Variants in RNF213 observed in about 807,000 individuals in gnomAD.
RNF213 encodes ring finger protein 213.
In RNF213, 341 loss-of-function variants were observed where a neutral mutation model predicts 514.4. The ratio of observed to expected loss-of-function variants is 0.66; its 90% CI spans 0.61 to 0.73. RNF213 has a LOEUF of 0.73. Among genes scored for constraint, RNF213 ranks in the 30% least tolerant of loss-of-function variants. RNF213 has a pLI of 0.00. For synonymous variants in RNF213, 2,655 were observed against 2,658.2 expected (o/e 1.00, Z 0.04); for missense variants, 5,767 against 6,615.6 (o/e 0.87, Z 4.45).
chr17:80,264,303 T>G lies in RNF213; in HGVS notation c.97+525T>G, dbSNP rs766226114. ...CAGGGGTTGAGAGCTCTGCCTGGGT[T>G]AGTTTTTGAGGGGCCGTGAGGGGGC... On this transcript the variant is annotated intron_variant, in intron 2 of 67. Transcript: ENST00000582970. This position sits in a 1 kb window ranked among gnomAD's most constrained non-coding sequence, Gnocchi z 5.0. Among the ~76,000 whole-genome samples the G allele has an allele frequency of 2.0e-5, 3 of 152,040 alleles. No individual in the cohort carries two copies. Among genetic ancestry groups the G allele is most frequent in the Non-Finnish European group, 4.4e-5 (3 of 67,998 alleles).
chr17:80,272,800 A>C (rs1013020483), intron 2 of RNF213, among the ~76,000 whole-genome samples: 3 of 152,200 alleles, frequency 2.0e-5, no homozygotes, highest in Non-Finnish European at 2.9e-5. Flanking sequence ...CAGATGCCTT[A>C]GTGCCAGGAC....
At chr17:80,367,672 T>C in intron 42 of RNF213, 76 bp from the exon 43 acceptor site, 1 of 1,121,914 alleles carries the variant, frequency 8.9e-7, no homozygotes. Context: ...CTGAATGTGG[T>C]GCTCCCTCTG....
Position 80,376,292 on chromosome 17 carries a change from TC to T in RNF213, c.13186-7del. On this transcript the variant is annotated splice_region_variant and splice_polypyrimidine_tract_variant and intron_variant, in intron 51 of 67. Transcript: ENST00000582970. ...GATACATCTTAATGTTAAGTTTTTT[TC>T]CTGTCAGCAATGTGAAGCTGTGAGC... is the stretch of plus-strand genomic sequence containing the variant. The T allele has an allele frequency of 6.2e-7, 1 of 1,614,198 alleles. No homozygotes were observed. Among genetic ancestry groups the T allele is most frequent in the Middle Eastern group, 1.6e-4 (1 of 6,062 alleles).
intron 2 of RNF213, among the ~76,000 whole-genome samples, chr17:80,267,452 A>G (rs1403142823): frequency 2.6e-5 from 4 of 152,114 alleles, no homozygotes; most frequent in African/African-American, 9.7e-5. Flanking sequence ...AAAAAAGAAA[A>G]AAAGTGCTAC....
rs865960272 is a variant in RNF213, at chr17:80,394,768, T to C, written c.*1270T>C. On this transcript the variant is annotated 3_prime_UTR_variant, in exon 68 of 68. Coordinates refer to ENST00000582970, the MANE Select transcript of RNF213 (RefSeq NM_001256071.3). ...CGGAAGGAACTGTGCTCCGTTCTCC[T>C]CACTGTCATGGTGCCACCAGTGTCT... The C allele has an allele frequency of 1.3e-5, 2 of 152,188 alleles. No individual in the cohort carries two copies. Among genetic ancestry groups the C allele is most frequent in the African/African-American group, 4.8e-5 (2 of 41,410 alleles). The allele number at this position is 152,188 out of a possible 1,614,324, so 9.4% of individuals were successfully genotyped here.
chr17:80,393,918 C>T lies in RNF213; in HGVS notation c.*420C>T. On this transcript the variant is annotated 3_prime_UTR_variant, in exon 68 of 68. Transcript: ENST00000582970. ...TACTCACAAAAGAGAATCTCATTTT[C>T]TTCTTTCTTCCATTCCCTTAAATTC... 4.9e-6 allele frequency: 1 copy of T among 203,788 alleles called. No homozygotes were observed. The highest frequency in any genetic ancestry group is 8.0e-5 in the South Asian group (1 of 12,498). The allele number at this position is 203,788 out of a possible 1,614,324, so 12.6% of individuals were successfully genotyped here.
chr17:80,351,205 G>A (rs1374431087), intron 31 of RNF213, among the ~76,000 whole-genome samples: 1 of 152,228 alleles, frequency 6.6e-6, no homozygotes, highest in Non-Finnish European at 1.5e-5. Context: ...AAGGTCCACT[G>A]GGTACAGGGG....
intron 14 of RNF213, among the ~76,000 whole-genome samples, chr17:80,311,694 C>T (rs764535738): frequency 1.1e-4 from 16 of 152,354 alleles, no homozygotes; most frequent in East Asian, 1.9e-4. Context: ...CGGGCAGCCC[C>T]GCCCAGCAGC....
chr17:80,358,907 C>CA (rs1167980420), intron 37 of RNF213, among the ~76,000 whole-genome samples: 159 of 151,032 alleles, frequency 1.1e-3, no homozygotes, highest in Middle Eastern at 3.4e-3. Flanking sequence ...GACTCTGTCT[C>CA]AAAAAAAAAG....
chr17:80,380,945 C>T lies in RNF213; in HGVS notation c.13755C>T (p.Leu4585=). 1.2e-6 allele frequency: 2 copies of T among 1,614,210 alleles called. No homozygotes were observed. Among genetic ancestry groups the T allele is most frequent in the Non-Finnish European group, 1.7e-6 (2 of 1,180,040 alleles). ...TGGTCTTCCTCCTTATCCGGCTACT[C>T]ACTCACTTGGCTCTGCTTCTGGGAG... The part of the protein sequence containing the change: ...PPVVFLLIRL[L]THLALLLGAS... Residue 4585 remains leucine, a synonymous_variant, in exon 56 of 68, where the codon CTC becomes CTT. Coordinates refer to ENST00000582970, the MANE Select transcript of RNF213 (RefSeq NM_001256071.3).
chr17:80,310,995 A>G (rs2045552156), intron 14 of RNF213, among the ~76,000 whole-genome samples: 1 of 152,220 alleles, frequency 6.6e-6, no homozygotes, highest in Non-Finnish European at 1.5e-5. Context: ...GTCATTGGTG[A>G]GATGATCACG....
intron 36 of RNF213, among the ~76,000 whole-genome samples, chr17:80,355,930 C>T (rs2078797724): frequency 6.6e-6 from 1 of 152,096 alleles, no homozygotes; most frequent in Non-Finnish European, 1.5e-5. Context: ...CTCTCCTTGT[C>T]ACGCCTTCTG....
At position 80,306,241 on chromosome 17, in the gene RNF213, C is replaced by T. The variant is rs748081556; in HGVS notation, c.2211-11C>T. The stretch of plus-strand genomic sequence containing the variant: ...GCGTCTCTTTTCTCCGTCCCTATTT[C>T]TCTTATGCAGGAGTTCCCTACTTCA... On this transcript the variant is annotated splice_polypyrimidine_tract_variant and intron_variant, in intron 11 of 67. Transcript: ENST00000582970. 4.2e-5 allele frequency: 67 copies of T among 1,613,268 alleles called. No homozygotes were observed. The Middle Eastern group carries it at 4.9e-4, about 12-fold the overall frequency.
intron 21 of RNF213, among the ~76,000 whole-genome samples, chr17:80,333,369 GCTT>G (rs1347412224): frequency 1.3e-5 from 2 of 150,386 alleles, no homozygotes; most frequent in Admixed American, 6.6e-5. Flanking sequence ...TGAGTCTTCT[GCTT>G]CTTATGTTTT....
intron 36 of RNF213, among the ~76,000 whole-genome samples, chr17:80,356,923 G>GGT (rs1555671719): frequency 1.4e-5 from 2 of 145,768 alleles, no homozygotes; most frequent in Non-Finnish European, 3.0e-5. Context: ...ACCTTGTGGG[G>GGT]TTTTTTTTTT....
In RNF213 at chr17:80,290,403, TTGTGTGTGTGCG is replaced by T. The variant is rs1035326035; in HGVS notation, c.1113-160_1113-149del. Among the ~76,000 whole-genome samples, 127 of 137,314 alleles carry T rather than the reference TTGTGTGTGTGCG, an allele frequency of 9.2e-4. No homozygotes were observed. In the Middle Eastern group the frequency reaches 0.011, roughly 12 times the overall value. 90.1% of individuals were successfully genotyped at this position (137,314 alleles called of 152,430 possible). A position where few individuals can be genotyped will look rare whatever the true frequency, so the allele number is the denominator to read the frequency against. On this transcript the variant is annotated intron_variant, in intron 6 of 67. Coordinates refer to ENST00000582970, the MANE Select transcript of RNF213 (RefSeq NM_001256071.3). ...TGCACGTGTGTGCGTGTACGTGTGC[TTGTGTGTGTGCG>T]TGTGTGCGAGTGTGCGCGTGTGTGC...
chr17:80,335,239 G>A (rs1191315781), intron 22 of RNF213, among the ~76,000 whole-genome samples: 3 of 152,138 alleles, frequency 2.0e-5, no homozygotes, highest in Non-Finnish European at 4.4e-5. Context: ...CCCACAGAGA[G>A]ATTTTTCTCA....
Position 80,319,314 on chromosome 17 carries a change from T to A in RNF213, c.3024+2T>A. Reference sequence around the variant, plus strand: ...GAAGCCGTGAGCTCAGCCTGCCAGGTGAACAATCTCTCCTCCTGGGAAACG... The same window carrying A: ...GAAGCCGTGAGCTCAGCCTGCCAGGAGAACAATCTCTCCTCCTGGGAAACG... On this transcript the variant is annotated splice_donor_variant, in intron 17 of 67. Coordinates refer to ENST00000582970, the MANE Select transcript of RNF213 (RefSeq NM_001256071.3). LOFTEE classifies it high-confidence loss of function. 1 of 1,614,146 alleles carries A rather than the reference T, an allele frequency of 6.2e-7. No individual in the cohort carries two copies.
chr17:80,353,789 C>T lies in RNF213; in HGVS notation c.10578+123C>T. 7.4e-7 allele frequency: 1 copy of T among 1,357,724 alleles called. No individual in the cohort carries two copies. Among genetic ancestry groups the T allele is most frequent in the South Asian group, 1.2e-5 (1 of 83,492 alleles). The allele number at this position is 1,357,724 out of a possible 1,614,324, so 84.1% of individuals were successfully genotyped here. On this transcript the variant is annotated intron_variant, in intron 34 of 67. Transcript: ENST00000582970. The surrounding 1 kb of genome is among the most constrained non-coding windows in gnomAD (Gnocchi z 5.0). ...CCGCTGTGCAGGGGTGAGGATGGCG[C>T]CCCACTTTCCTCACACAGTGACGGT...
Sources: gnomAD v4.1 joint callset for allele counts (sites outside exome capture counted in the v4.1 genomes callset) on GRCh38, gnomAD v4.1.1 for gene constraint, Gnocchi (gnomAD v3.1) non-coding constraint, MANE v1.5 for transcripts, NCBI Gene and HGNC (gene_info 2026-07-23, HGNC 2026-07-21) for gene names.